ZNF225: variants seen among roughly 807,000 people sequenced by gnomAD.
ZNF225 encodes the protein zinc finger protein 225.
Under a neutral mutation model 12.0 loss-of-function variants are expected in ZNF225, and 6 were observed. That is an observed-to-expected ratio of 0.50 (90% CI 0.27 to 0.98). The LOEUF is 0.98. Ranked by LOEUF, ZNF225 falls within the 50% of genes least tolerant of loss-of-function variation. The pLI is 0.11. For synonymous variants in ZNF225, 271 were observed against 283.2 expected (o/e 0.96, Z 0.43); for missense variants, 763 against 848.2 (o/e 0.90, Z 1.25).
At position 44,132,661 on chromosome 19, in the gene ZNF225, G is replaced by A; in HGVS notation, c.2047G>A (p.Glu683Lys). The change falls in exon 5 of 5, where the codon GAG becomes AAG. Residue 683 changes from glutamate to lysine, a missense_variant. Physicochemically the swap from Glu to Lys is moderately conservative, Grantham distance 56 (BLOSUM62 1). Coordinates refer to ENST00000262894, the MANE Select transcript of ZNF225 (RefSeq NM_013362.4). Reference sequence around the variant, plus strand: ...AAGTGGAGAGAAAACATCTAAATGTGAGGACTGTGGGAAGCGCTACAAGAG... The same window carrying A: ...AAGTGGAGAGAAAACATCTAAATGTAAGGACTGTGGGAAGCGCTACAAGAG... ...DQSGEKTSKC[E>K]DCGKRYKRRL... 6.2e-7 allele frequency: 1 copy of A among 1,613,936 alleles called. No individual in the cohort carries two copies. The highest frequency in any genetic ancestry group is 2.2e-5 in the East Asian group (1 of 44,886).
rs183205748 is a variant in ZNF225, at chr19:44,131,996, G to A, written c.1382G>A (p.Cys461Tyr). Reference protein sequence around the residue: ...RGEKPYNCKECGKSFGWASCL... With the variant: ...RGEKPYNCKEYGKSFGWASCL... ...GAGAAACCCTATAATTGTAAGGAAT[G>A]TGGGAAGAGCTTTGGCTGGGCCTCG... Residue 461 changes from cysteine to tyrosine, a missense_variant, in exon 5 of 5, where the codon TGT becomes TAT. Transcript: ENST00000262894. 3 of 1,614,106 alleles carry A rather than the reference G, an allele frequency of 1.9e-6. No individual in the cohort carries two copies. The highest frequency in any genetic ancestry group is 4.5e-5 in the East Asian group (2 of 44,884).
rs1386043156 is a variant in ZNF225 at position 44,131,030 on chromosome 19, C to G, written c.416C>G (p.Ser139Cys). Reference sequence around the variant, plus strand: ...CCCTGCCAGGTTGATGCAGGACTATCTATAATTCACGTAAGACAGAAACCT... The same window carrying G: ...CCCTGCCAGGTTGATGCAGGACTATGTATAATTCACGTAAGACAGAAACCT... Reference protein sequence around the residue: ...DMPCQVDAGLSIIHVRQKPSE... With the variant: ...DMPCQVDAGLCIIHVRQKPSE... Residue 139 changes from serine (S) to cysteine (C), a missense_variant, in exon 5 of 5, where the codon TCT becomes TGT. Physicochemically the swap from Ser to Cys is moderately radical, Grantham distance 112 (BLOSUM62 -1). Transcript: ENST00000262894. The G allele has an allele frequency of 1.1e-5, 18 of 1,613,936 alleles. No homozygotes were observed. Among genetic ancestry groups the G allele is most frequent in the Non-Finnish European group, 1.4e-5 (16 of 1,179,934 alleles).
intron 4 of ZNF225, chr19:44,129,133 A>G (rs966774989): frequency 1.6e-6 from 2 of 1,227,518 alleles, no homozygotes; most frequent in Admixed American, 4.2e-5. Context: ...GTACAGACAA[A>G]TGAGATTATA....
At chr19:44,121,228 C>A (rs1393146675) in intron 4 of ZNF225, among the ~76,000 whole-genome samples, 2 of 152,174 alleles carry the variant, frequency 1.3e-5, no homozygotes, top group Non-Finnish European at 2.9e-5. Context: ...TCCCACATAT[C>A]AGTGAGAATA....
At chr19:44,126,596 G>C (rs1335207969) in intron 4 of ZNF225, among the ~76,000 whole-genome samples, 2 of 152,076 alleles carry the variant, frequency 1.3e-5, no homozygotes, top group Non-Finnish European at 2.9e-5. Flanking sequence ...TGAGGCCCTA[G>C]AACTCCCAAG....
chr19:44,132,700 G>A lies in ZNF225; in HGVS notation c.2086G>A (p.Asp696Asn). The change falls in exon 5 of 5, where the codon GAT (aspartate) becomes AAT (asparagine). Residue 696 changes from aspartate to asparagine, a missense_variant. Transcript: ENST00000262894. The stretch of plus-strand genomic sequence containing the variant: ...GCGCTACAAGAGGCGCTTGAATCTT[G>A]ATACGCTTTTGTCATTATTTTTAAA... Reference protein sequence around the residue: ...GKRYKRRLNLDTLLSLFLNDT With the variant: ...GKRYKRRLNLNTLLSLFLNDT 6.2e-7 allele frequency: 1 copy of A among 1,607,424 alleles called. No individual in the cohort carries two copies. Among genetic ancestry groups the A allele is most frequent in the East Asian group, 2.2e-5 (1 of 44,838 alleles).
Position 44,131,389 on chromosome 19 carries a change from C to A in ZNF225, c.775C>A (p.Pro259Thr). ...TCGTAAATTACACACAGGAGTGAAA[C>A]CTCATATTTGTGAGAAATGTGGGAA... ...VHRKLHTGVK[P>T]HICEKCGKAF... The change falls in exon 5 of 5, where the codon CCT (proline) becomes ACT (threonine). Residue 259 changes from proline to threonine, a missense_variant. Transcript: ENST00000262894. 6.2e-7 allele frequency: 1 copy of A among 1,614,148 alleles called. No individual in the cohort carries two copies. Among genetic ancestry groups the A allele is most frequent in the Non-Finnish European group, 8.5e-7 (1 of 1,180,032 alleles).
At chr19:44,119,700 C>G (rs1447792052) in intron 4 of ZNF225, among the ~76,000 whole-genome samples, 4 of 152,290 alleles carry the variant, frequency 2.6e-5, no homozygotes, top group African/African-American at 9.6e-5. Flanking sequence ...ATCCCAGTCC[C>G]CCTTGCTGTG....
In ZNF225 at chr19:44,134,547, T is replaced by G. The variant is rs1968353333; in HGVS notation, c.*1812T>G. 1 of 152,232 alleles carries G rather than the reference T, an allele frequency of 6.6e-6. No homozygotes were observed. The highest frequency in any genetic ancestry group is 2.4e-5 in the African/African-American group (1 of 41,448). The allele number at this position is 152,232 out of a possible 1,614,324, so 9.4% of individuals were successfully genotyped here. On this transcript the variant is annotated 3_prime_UTR_variant, in exon 5 of 5. Transcript: ENST00000262894. ...CTGTTGGCTCAGTCTTCTTTTTGTT[T>G]TGTGTGTTTTGGTTTTTAACTGTCA...
At position 44,118,477 on chromosome 19, in the gene ZNF225, C is replaced by G; in HGVS notation, c.143-5C>G. On this transcript the variant is annotated splice_region_variant and splice_polypyrimidine_tract_variant and intron_variant, in intron 3 of 4. Transcript: ENST00000262894. ...CACTAAGCACATGACTTTTCACGTT[C>G]ACAGGGCATCAATCACTCCACAGAG... The G allele has an allele frequency of 6.2e-7, 1 of 1,613,542 alleles. No individual in the cohort carries two copies. Among genetic ancestry groups the G allele is most frequent in the Non-Finnish European group, 8.5e-7 (1 of 1,179,708 alleles).
At position 44,118,497 on chromosome 19, in the gene ZNF225, A is replaced by G. The variant is rs1305484717; in HGVS notation, c.158A>G (p.His53Arg). 1.9e-6 allele frequency: 3 copies of G among 1,613,720 alleles called. No individual in the cohort carries two copies. The highest frequency in any genetic ancestry group is 2.5e-6 in the Non-Finnish European group (3 of 1,179,752). The change falls in exon 4 of 5, where the codon CAC (histidine) becomes CGC (arginine). Residue 53 changes from histidine to arginine, a missense_variant. Transcript: ENST00000262894. ...NLLSVGHQSL[H>R]RDTFHFLKEE... ...ACGTTCACAGGGCATCAATCACTCC[A>G]CAGAGATACTTTCCACTTCCTAAAG...
Position 44,133,009 on chromosome 19 carries a change from A to C in ZNF225, c.*274A>C, listed in dbSNP as rs1424215523. The C allele has an allele frequency of 3.6e-6, 1 of 274,642 alleles. No individual in the cohort carries two copies. Among genetic ancestry groups the C allele is most frequent in the African/African-American group, 2.2e-5 (1 of 44,756 alleles). 17.0% of individuals were successfully genotyped at this position (274,642 alleles called of 1,614,324 possible). A position where few individuals can be genotyped will look rare whatever the true frequency, so the allele number is the denominator to read the frequency against. ...CCTTTGGCTACCACCCTGCCTCCTC[A>C]CCTCTAAGAACTACTATTCTACTCT... On this transcript the variant is annotated 3_prime_UTR_variant, in exon 5 of 5. Transcript: ENST00000262894.
rs752903565 is a variant in ZNF225, at chr19:44,118,572, T to C, written c.233T>C (p.Leu78Ser). 2 of 1,611,908 alleles carry C rather than the reference T, an allele frequency of 1.2e-6. No individual in the cohort carries two copies. The highest frequency in any genetic ancestry group is 1.7e-6 in the Non-Finnish European group (2 of 1,178,556). ...METATQREGNLGGKIQMEMET... is the reference protein window; with the variant it reads ...METATQREGNSGGKIQMEMET... ...ACAGCAACCCAAAGAGAAGGGAATT[T>C]AGGTAAGAAGCAAGCAACTCTGTGT... The change falls in exon 4 of 5, where the codon TTA becomes TCA. Residue 78 changes from leucine (L) to serine (S), a missense_variant and splice_region_variant. Coordinates refer to ENST00000262894, the MANE Select transcript of ZNF225 (RefSeq NM_013362.4).
At chr19:44,111,617 A>C (rs1967833185), upstream of ZNF225, among the ~76,000 whole-genome samples, 1 of 152,264 alleles carries the variant, frequency 6.6e-6, no homozygotes, top group Non-Finnish European at 1.5e-5. Flanking sequence ...ATCTATGAAA[A>C]GGAATGAAGT....
At chr19:44,118,148 T>C (rs915111389) in intron 2 of ZNF225, 40 bp from the exon 3 acceptor site, 6 of 1,588,000 alleles carry the variant, frequency 3.8e-6, no homozygotes, top group Admixed American at 3.6e-5. Context: ...TCAGTAGTCA[T>C]TGGTCATGAG....
rs147891180 is a variant in ZNF225 at position 44,126,260 on chromosome 19, C to G, written c.236-4590C>G. On this transcript the variant is annotated intron_variant, in intron 4 of 4. Transcript: ENST00000262894. ...CTTGATGTAGTACTCTCCCCCTTTT[C>G]CTATGGATGTGGCCTCCTGTGAGCC... Among the ~76,000 whole-genome samples, 1,252 of 152,242 alleles carry G rather than the reference C, an allele frequency of 8.2e-3. 25 individuals carry two copies. Among genetic ancestry groups the G allele is most frequent in the African/African-American group, 0.028 (1,171 of 41,528 alleles).
chr19:44,118,598 C>A, intron 4 of ZNF225, 24 bp downstream of exon 4: 1 of 1,601,446 alleles, frequency 6.2e-7, no homozygotes, highest in Middle Eastern at 1.7e-4. Context: ...AACTCTGTGT[C>A]CTTGTGCGTG....
intron 1 of ZNF225, among the ~76,000 whole-genome samples, 159 bp downstream of exon 1, chr19:44,113,728 G>A (rs998494068): frequency 3.3e-5 from 5 of 152,014 alleles, no homozygotes; most frequent in African/African-American, 1.2e-4. Context: ...CGGCCTCCCT[G>A]CACCCCACGC....
chr19:44,120,242 A>G (rs112874770), intron 4 of ZNF225, among the ~76,000 whole-genome samples: 72 of 151,966 alleles, frequency 4.7e-4, no homozygotes, highest in African/African-American at 1.7e-3. Flanking sequence ...ACACTGTTCT[A>G]TTTTTTTCTT....
Sources: gnomAD v4.1 joint callset for allele counts (sites outside exome capture counted in the v4.1 genomes callset) on GRCh38, gnomAD v4.1.1 for gene constraint, MANE v1.5 for transcripts, NCBI Gene and HGNC (gene_info 2026-07-23, HGNC 2026-07-21) for gene names.